Variants in MTHFD1 observed in about 807,000 individuals in gnomAD.
MTHFD1 encodes C-1-tetrahydrofolate synthase, cytoplasmic.
A neutral mutation model predicts 110.3 loss-of-function variants in MTHFD1; 44 were observed. The ratio of observed to expected loss-of-function variants is 0.40; its 90% CI spans 0.31 to 0.51. The LOEUF (loss-of-function observed/expected upper bound fraction) is 0.51. MTHFD1 is among the 20% of genes least tolerant of loss of function. MTHFD1 has a pLI of 0.60. For synonymous variants in MTHFD1, 402 were observed against 428.8 expected (o/e 0.94, Z 0.77); for missense variants, 909 against 1,173.1 (o/e 0.77, Z 3.29).
At position 64,420,958 on chromosome 14, in the gene MTHFD1, G is replaced by A. The variant is rs573536695; in HGVS notation, c.727+1033G>A. 1.2e-4 allele frequency among the ~76,000 whole-genome samples: 19 copies of A among 152,244 alleles called. No individual in the cohort carries two copies. The East Asian group carries it at 1.3e-3, about 11-fold the overall frequency. ...GAACAATAGGGCAAAACTTGCGTAC[G>A]TCCTCATAGATCCAAGAAAGGAACA... On this transcript the variant is annotated intron_variant, in intron 8 of 27. Coordinates refer to ENST00000652337, the MANE Select transcript of MTHFD1 (RefSeq NM_005956.4).
At chr14:64,456,253 TTTTAAC>T (rs1448114772) in intron 26 of MTHFD1, among the ~76,000 whole-genome samples, 18 of 152,300 alleles carry the variant, frequency 1.2e-4, no homozygotes, top group East Asian at 3.9e-4. Context: ...TGTCAGAGGC[TTTTAAC>T]TTTAAGTTGG....
chr14:64,399,009 T>C (rs567411049), intron 1 of MTHFD1, among the ~76,000 whole-genome samples: 123 of 152,378 alleles, frequency 8.1e-4, no homozygotes, highest in Admixed American at 8.5e-4. Flanking sequence ...GTTATACTTT[T>C]AGCCTTGTGT....
chr14:64,398,461 G>A lies in MTHFD1; in HGVS notation c.42-2332G>A, dbSNP rs139345827. On this transcript the variant is annotated intron_variant, in intron 1 of 27. Coordinates refer to ENST00000652337, the MANE Select transcript of MTHFD1 (RefSeq NM_005956.4). ...ACTTGGGAGGCTGAAGTGGGAGGAT[G>A]GCTTGAGCCCAGGAGGTGGAGGTTG... is the stretch of plus-strand genomic sequence containing the variant. 2.6e-3 allele frequency among the ~76,000 whole-genome samples: 389 copies of A among 152,224 alleles called. 1 individual carries two copies. The highest frequency in any genetic ancestry group is 8.5e-3 in the African/African-American group (355 of 41,522).
intron 4 of MTHFD1, among the ~76,000 whole-genome samples, chr14:64,413,569 C>A (rs914157459): frequency 6.6e-6 from 1 of 152,082 alleles, no homozygotes; most frequent in Non-Finnish European, 1.5e-5. Context: ...ATGCGCTGTC[C>A]AGTATGGGAG....
chr14:64,423,993 C>T (rs1206000604), intron 8 of MTHFD1, among the ~76,000 whole-genome samples: 1 of 152,150 alleles, frequency 6.6e-6, no homozygotes, highest in Non-Finnish European at 1.5e-5. Flanking sequence ...TCCCAAAGTG[C>T]CTGCTAATCT....
In MTHFD1 at chr14:64,411,169, G is replaced by T. The variant is rs1270793502; in HGVS notation, c.186+20G>T. On this transcript the variant is annotated intron_variant, in intron 3 of 27. Coordinates refer to ENST00000652337, the MANE Select transcript of MTHFD1 (RefSeq NM_005956.4). ...GAAGAGGTAACGCCAGAAGAGCTGT[G>T]CCATCACCCTCCCCAACCTCCACCT... 1 of 1,602,894 alleles carries T rather than the reference G, an allele frequency of 6.2e-7. No homozygotes were observed. The highest frequency in any genetic ancestry group is 8.5e-7 in the Non-Finnish European group (1 of 1,171,690).
At chr14:64,408,066 A>G (rs777732397) in intron 2 of MTHFD1, among the ~76,000 whole-genome samples, 1 of 152,098 alleles carries the variant, frequency 6.6e-6, no homozygotes, top group Non-Finnish European at 1.5e-5. Context: ...TGTGGCCCGT[A>G]TCCAAATGCT....
chr14:64,412,316 T>C (rs1206243528), intron 3 of MTHFD1, among the ~76,000 whole-genome samples, 156 bp from the exon 4 acceptor site: 35 of 152,198 alleles, frequency 2.3e-4, no homozygotes, highest in Admixed American at 2.3e-3. Flanking sequence ...AACAAGTGAA[T>C]GATGAATGGG....
At chr14:64,388,601 TGCA>T in intron 1 of MTHFD1, 133 bp downstream of exon 1, 3 of 822,812 alleles carry the variant, frequency 3.6e-6, no homozygotes, top group Non-Finnish European at 6.2e-6. Flanking sequence ...CCTGAAGACC[TGCA>T]GCCAAAGAAA....
chr14:64,437,120 A>AAAAT (rs2078211965), intron 16 of MTHFD1, among the ~76,000 whole-genome samples: 1 of 152,052 alleles, frequency 6.6e-6, no homozygotes, highest in African/African-American at 2.4e-5. Context: ...TGACTCATTT[A>AAAAT]GAGTATGAAC....
At chr14:64,455,243 C>A (rs1350955048) in intron 26 of MTHFD1, 1 of 292,882 alleles carries the variant, frequency 3.4e-6, no homozygotes, top group Non-Finnish European at 6.6e-6. Context: ...ACTCAGTCCC[C>A]CCACAGCCCT....
intron 11 of MTHFD1, 63 bp from the exon 12 acceptor site, chr14:64,427,274 G>T: frequency 6.4e-7 from 1 of 1,571,312 alleles, no homozygotes; most frequent in South Asian, 1.1e-5. Flanking sequence ...TGCTAGGTAT[G>T]ACTTAGTGAT....
At chr14:64,439,431 AAATT>A (rs1436621390) in intron 17 of MTHFD1, 1 of 516,788 alleles carries the variant, frequency 1.9e-6, no homozygotes, top group Non-Finnish European at 3.5e-6. Flanking sequence ...CCTTGCATAG[AAATT>A]GATTAAAATT....
At chr14:64,435,265 C>T (rs904403986) in intron 15 of MTHFD1, among the ~76,000 whole-genome samples, 4 of 152,014 alleles carry the variant, frequency 2.6e-5, no homozygotes, top group African/African-American at 4.8e-5. Context: ...CTAGCTGAAG[C>T]TCTCCTTCTT....
intron 1 of MTHFD1, among the ~76,000 whole-genome samples, chr14:64,397,468 A>T (rs973369811): frequency 2.0e-5 from 3 of 151,306 alleles, no homozygotes; most frequent in Non-Finnish European, 4.4e-5. Context: ...GATTTTTCGT[A>T]TTTTTTAGTG....
chr14:64,442,394 G>A lies in MTHFD1; in HGVS notation c.2128G>A (p.Gly710Ser), dbSNP rs370049588. The change falls in exon 21 of 28, where the codon GGC becomes AGC. Residue 710 changes from glycine to serine, a missense_variant. Gly to Ser is a moderately conservative substitution (Grantham distance 56, BLOSUM62 0). Coordinates refer to ENST00000652337, the MANE Select transcript of MTHFD1 (RefSeq NM_005956.4). Reference protein sequence around the residue: ...TVRALKMHGGGPTVTAGLPLP... With the variant: ...TVRALKMHGGSPTVTAGLPLP... ...CAGGGCTCTCAAGATGCACGGGGGC[G>A]GCCCCACGGTGAGTGGTGGGTTGAA... The A allele has an allele frequency of 1.1e-5, 18 of 1,614,054 alleles. No homozygotes were observed. Among genetic ancestry groups the A allele is most frequent in the African/African-American group, 6.7e-5 (5 of 74,942 alleles).
intron 3 of MTHFD1, 29 bp downstream of exon 3, chr14:64,411,178 C>T (rs752532529): frequency 1.5e-5 from 23 of 1,575,856 alleles, no homozygotes; most frequent in African/African-American, 4.0e-5. Context: ...TGCCATCACC[C>T]TCCCCAACCT....
At chr14:64,437,932 G>A (rs1396364864) in intron 16 of MTHFD1, among the ~76,000 whole-genome samples, 1 of 152,056 alleles carries the variant, frequency 6.6e-6, no homozygotes. Context: ...AGAGTGCAAT[G>A]GAGTGATCTC....
At chr14:64,441,701 A>G (rs532183917) in intron 19 of MTHFD1, 5 of 550,282 alleles carry the variant, frequency 9.1e-6, no homozygotes, top group South Asian at 5.8e-5. Context: ...AGCTGCTCGG[A>G]AGGTTGAGGC....
Sources: gnomAD v4.1 joint callset for allele counts (sites outside exome capture counted in the v4.1 genomes callset) on GRCh38, gnomAD v4.1.1 for gene constraint, MANE v1.5 for transcripts, NCBI Gene and HGNC (gene_info 2026-07-23, HGNC 2026-07-21) for gene names.